MFSD8: variants seen among roughly 807,000 people sequenced by gnomAD.
MFSD8 encodes the protein major facilitator superfamily domain containing 8, also known as major facilitator superfamily domain-containing protein 8.
In MFSD8, 55 loss-of-function variants were observed where a neutral mutation model predicts 66.4. The observed-to-expected ratio is 0.83, with a 90% confidence interval of 0.67 to 1.04. The LOEUF is 1.04. Ranked by LOEUF, MFSD8 falls within the 50% of genes least tolerant of loss-of-function variation. The probability of loss-of-function intolerance (pLI) is 0.00; values close to 1 mark genes in which losing one functional copy is unlikely to be tolerated. For synonymous variants in MFSD8, 202 were observed against 212.8 expected, an observed-to-expected ratio of 0.95 and a Z score of 0.44; for missense variants, 550 against 627.6, an observed-to-expected ratio of 0.88 and a Z score of 1.32.
intron 11 of MFSD8, chr4:127,921,305 C>T: frequency 1.3e-6 from 1 of 746,048 alleles, no homozygotes; most frequent in Non-Finnish European, 2.1e-6. Flanking sequence ...CACTCTACCA[C>T]AATGCCACTC....
Position 127,930,681 on chromosome 4 carries a change from A to G in MFSD8, c.998+2T>C, listed in dbSNP as rs780499761. Reference sequence around the variant, plus strand: ...ACATAAAACCAAAAACACTTAACTTACTTTTTGGAAAGCAACTTAACTCCT... The same window carrying G: ...ACATAAAACCAAAAACACTTAACTTGCTTTTTGGAAAGCAACTTAACTCCT... On this transcript the variant is annotated splice_donor_variant, in intron 9 of 11. Transcript: ENST00000641686. LOFTEE classifies it high-confidence loss of function. 6.2e-7 allele frequency: 1 copy of G among 1,613,474 alleles called. No individual in the cohort carries two copies. Among genetic ancestry groups the G allele is most frequent in the South Asian group, 1.1e-5 (1 of 90,920 alleles).
chr4:127,952,172 T>G (rs1168970243), intron 2 of MFSD8, among the ~76,000 whole-genome samples: 4 of 149,928 alleles, frequency 2.7e-5, no homozygotes, highest in Non-Finnish European at 4.5e-5. Flanking sequence ...TTGGGAGGCC[T>G]GGGTGGGCGG....
At chr4:127,925,387 A>G (rs935188034) in intron 9 of MFSD8, among the ~76,000 whole-genome samples, 1 of 152,206 alleles carries the variant, frequency 6.6e-6, no homozygotes, top group African/African-American at 2.4e-5. Context: ...AACTTAAACA[A>G]ATTTACAAGA....
intron 1 of MFSD8, among the ~76,000 whole-genome samples, chr4:127,961,474 G>C (rs1743726565): frequency 6.6e-6 from 1 of 152,012 alleles, no homozygotes; most frequent in Non-Finnish European, 1.5e-5. Flanking sequence ...CATAACTCAG[G>C]GATCCTGCAA....
At chr4:127,930,150 A>G (rs1381482529) in intron 9 of MFSD8, among the ~76,000 whole-genome samples, 1 of 152,120 alleles carries the variant, frequency 6.6e-6, no homozygotes, top group East Asian at 1.9e-4. Flanking sequence ...GGAGGCTGAG[A>G]TGAGAGGATC....
intron 5 of MFSD8, among the ~76,000 whole-genome samples, chr4:127,940,399 G>A (rs1168682361): frequency 1.3e-5 from 2 of 151,320 alleles, no homozygotes; most frequent in Non-Finnish European, 1.5e-5. Flanking sequence ...ATCTCCATAG[G>A]CAATTTAAAT....
chr4:127,952,249 CA>C (rs1437645413), intron 2 of MFSD8, among the ~76,000 whole-genome samples: 8 of 151,238 alleles, frequency 5.3e-5, no homozygotes, highest in African/African-American at 1.9e-4. Flanking sequence ...ACTAAAAATA[CA>C]AAAAATTATC....
At chr4:127,932,872 A>AT (rs1468110368) in intron 8 of MFSD8, 113 bp downstream of exon 8, 22 of 848,422 alleles carry the variant, frequency 2.6e-5, no homozygotes, top group Non-Finnish European at 4.1e-5. Flanking sequence ...CATGGTAAGA[A>AT]AAATTTGCCT....
chr4:127,921,259 G>A (rs550275338), intron 11 of MFSD8: 1 of 617,122 alleles, frequency 1.6e-6, no homozygotes, highest in Non-Finnish European at 2.8e-6. Context: ...CAAGAGGTTT[G>A]AAGCCATATT....
chr4:127,960,096 T>C (rs906314202), intron 1 of MFSD8, among the ~76,000 whole-genome samples: 32 of 152,240 alleles, frequency 2.1e-4, no homozygotes, highest in African/African-American at 7.5e-4. Flanking sequence ...ACTGTAGTAC[T>C]ACAGTTTTAT....
chr4:127,947,593 AAC>A (rs1741267410), intron 3 of MFSD8, among the ~76,000 whole-genome samples: 3 of 151,624 alleles, frequency 2.0e-5, no homozygotes, highest in African/African-American at 7.3e-5. Context: ...AAAAAAAAAA[AAC>A]AGAGAGAGAG....
chr4:127,952,134 G>C (rs747755485), intron 2 of MFSD8, among the ~76,000 whole-genome samples: 28 of 151,706 alleles, frequency 1.8e-4, no homozygotes, highest in Middle Eastern at 3.4e-3. Flanking sequence ...GGCCAGGCAC[G>C]GTGGCTCATG....
At chr4:127,946,974 G>A (rs1162166328) in intron 3 of MFSD8, among the ~76,000 whole-genome samples, 2 of 151,784 alleles carry the variant, frequency 1.3e-5, no homozygotes, top group African/African-American at 4.8e-5. Flanking sequence ...CAATCTAGTA[G>A]GGGAGTTAAG....
Position 127,920,579 on chromosome 4 carries a change from A to G in MFSD8, c.*51T>C. On this transcript the variant is annotated 3_prime_UTR_variant, in exon 12 of 12. Transcript: ENST00000641686. ...CACCGCAATTGTCTAGCAGAGCTTT[A>G]GACCAGGAAGTGCCACACAGCAAGT... 1.9e-6 allele frequency: 3 copies of G among 1,582,022 alleles called. No individual in the cohort carries two copies. In the South Asian group the frequency reaches 3.3e-5, roughly 18 times the overall value.
At chr4:127,965,687 C>T, upstream of MFSD8, 1 of 173,238 alleles carries the variant, frequency 5.8e-6, no homozygotes. Flanking sequence ...CGCCTGGAGG[C>T]AGGGACCGGG....
upstream of MFSD8, chr4:127,965,372 G>A (rs993374165): frequency 3.8e-5 from 23 of 606,176 alleles, no homozygotes; most frequent in Non-Finnish European, 6.5e-5. Context: ...ATCCTGACGG[G>A]GACTGAGAGC....
In MFSD8 at chr4:127,919,443, T is replaced by C. The variant is rs1421088618; in HGVS notation, c.*1187A>G. On this transcript the variant is annotated 3_prime_UTR_variant, in exon 12 of 12. Transcript: ENST00000641686. ...TGTTTAGAAATATTTTTGCATTTTC[T>C]TAACAGTGCTTATCAATATACATAG... 1 of 152,250 alleles carries C rather than the reference T, an allele frequency of 6.6e-6. No homozygotes were observed. Among genetic ancestry groups the C allele is most frequent in the Non-Finnish European group, 1.5e-5 (1 of 68,042 alleles). 9.4% of individuals were successfully genotyped at this position (152,250 alleles called of 1,614,324 possible).
chr4:127,949,920 C>A, intron 2 of MFSD8, 73 bp from the exon 3 acceptor site: 1 of 1,342,498 alleles, frequency 7.4e-7, no homozygotes, highest in Non-Finnish European at 1.0e-6. Context: ...TTTTCTGAAC[C>A]GTGGCATGGA....
upstream of MFSD8, chr4:127,965,182 C>T (rs1197164781): frequency 1.9e-6 from 3 of 1,609,442 alleles, no homozygotes; most frequent in South Asian, 1.1e-5. Context: ...GCGACACCTG[C>T]TTTCTCCCAT....
Sources: gnomAD v4.1 joint callset for allele counts (sites outside exome capture counted in the v4.1 genomes callset) on GRCh38, gnomAD v4.1.1 for gene constraint, MANE v1.5 for transcripts, NCBI Gene and HGNC (gene_info 2026-07-23, HGNC 2026-07-21) for gene names.